The following PLEKHM2 variants were observed in gnomAD, a reference collection of about 807,000 sequenced individuals.
PLEKHM2 encodes pleckstrin homology domain-containing family M member 2.
PLEKHM2 carries 77 observed loss-of-function variants against 116.3 expected under a neutral mutation model. The ratio of observed to expected loss-of-function variants is 0.66; its 90% CI spans 0.55 to 0.80. PLEKHM2 has a LOEUF of 0.80. Among genes scored for constraint, PLEKHM2 ranks in the 30% least tolerant of loss-of-function variants. The pLI, the probability that PLEKHM2 is intolerant of heterozygous loss-of-function variation, is 0.00. For missense variants in PLEKHM2, 1,183 were observed against 1,354.9 expected, an observed-to-expected ratio of 0.87 and a Z score of 1.99; for synonymous variants, 562 against 571.0, an observed-to-expected ratio of 0.98 and a Z score of 0.22.
At position 15,726,861 on chromosome 1, in the gene PLEKHM2, C is replaced by T. The variant is rs1022574097; in HGVS notation, c.942-153C>T. 2.6e-5 allele frequency among the ~76,000 whole-genome samples: 4 copies of T among 152,028 alleles called. No homozygotes were observed. The East Asian group carries it at 7.7e-4, about 29-fold the overall frequency. On this transcript the variant is annotated intron_variant, in intron 8 of 19. Transcript: ENST00000375799. The stretch of plus-strand genomic sequence containing the variant: ...GCCTGAGCCACTGTTGTCCTCTGAC[C>T]CAGTGCCTCCACCCAGCACTGCCTA...
At chr1:15,695,501 C>T (rs1007308174) in intron 1 of PLEKHM2, among the ~76,000 whole-genome samples, 19 of 152,184 alleles carry the variant, frequency 1.2e-4, no homozygotes, top group East Asian at 9.6e-4. Flanking sequence ...CCCATGATGT[C>T]GGGGCACTTT....
rs776655442 is a variant in PLEKHM2, at chr1:15,727,392, C to T, written c.1320C>T (p.Gly440=). 1.9e-6 allele frequency: 3 copies of T among 1,603,318 alleles called. No individual in the cohort carries two copies. The African/African-American group carries it at 4.0e-5, about 21-fold the overall frequency. ...AEPPDQSFRT[G]SPGDAPERPP... Reference sequence around the variant, plus strand: ...CCCCAGACCAGTCCTTTCGGACCGGCTCTCCCGGGGATGCCCCGGAGAGGC... The same window carrying T: ...CCCCAGACCAGTCCTTTCGGACCGGTTCTCCCGGGGATGCCCCGGAGAGGC... Residue 440 remains glycine, a synonymous_variant, in exon 9 of 20, where the codon GGC becomes GGT. Transcript: ENST00000375799. This position sits in a 1 kb window ranked among gnomAD's most constrained non-coding sequence, Gnocchi z 7.5.
chr1:15,728,490 G>A lies in PLEKHM2; in HGVS notation c.1921+133G>A. On this transcript the variant is annotated intron_variant, in intron 11 of 19. Coordinates refer to ENST00000375799, the MANE Select transcript of PLEKHM2 (RefSeq NM_015164.4). This position sits in a 1 kb window ranked among gnomAD's most constrained non-coding sequence, Gnocchi z 5.9. Reference sequence around the variant, plus strand: ...GTGATGGAAAGGCACCCCAAGGAAGGTGTTGCCAGCAGCCCTGAGACGTGA... The same window carrying A: ...GTGATGGAAAGGCACCCCAAGGAAGATGTTGCCAGCAGCCCTGAGACGTGA... 1 of 994,224 alleles carries A rather than the reference G, an allele frequency of 1.0e-6. No homozygotes were observed. Among genetic ancestry groups the A allele is most frequent in the South Asian group, 1.6e-5 (1 of 63,786 alleles). 61.6% of individuals were successfully genotyped at this position (994,224 alleles called of 1,614,324 possible).
Position 15,684,505 on chromosome 1 carries a change from CGGCGG to C in PLEKHM2, c.-48_-44del. ...CCCCGGCCCCCGGCGCGGGAAGCGG[CGGCGG>C]GGCGGCGGCGGCGGTGGCGGTGGCG... On this transcript the variant is annotated 5_prime_UTR_variant, in exon 1 of 20. Coordinates refer to ENST00000375799, the MANE Select transcript of PLEKHM2 (RefSeq NM_015164.4). The C allele has an allele frequency of 1.1e-6, 1 of 946,330 alleles. No homozygotes were observed. Among genetic ancestry groups the C allele is most frequent in the Non-Finnish European group, 1.2e-6 (1 of 806,326 alleles). 58.6% of individuals were successfully genotyped at this position (946,330 alleles called of 1,614,324 possible).
Position 15,729,884 on chromosome 1 carries a change from G to A in PLEKHM2, c.2163G>A (p.Glu721=). ...YPSILTDATM[E]KLALAKFVAQ... ...GCATCCTGACGGATGCCACCATGGA[G>A]AAGCTGGCACTGGCCAAATTTGTGG... Residue 721 remains glutamate (E), a synonymous_variant, in exon 14 of 20, where the codon GAG becomes GAA. Transcript: ENST00000375799. This position sits in a 1 kb window ranked among gnomAD's most constrained non-coding sequence, Gnocchi z 4.7. The A allele has an allele frequency of 6.2e-7, 1 of 1,613,174 alleles. No individual in the cohort carries two copies. The highest frequency in any genetic ancestry group is 8.5e-7 in the Non-Finnish European group (1 of 1,179,640).
At chr1:15,712,282 C>T (rs1171051752) in intron 1 of PLEKHM2, among the ~76,000 whole-genome samples, 1 of 152,146 alleles carries the variant, frequency 6.6e-6, no homozygotes, top group African/African-American at 2.4e-5. Flanking sequence ...CAATTTAAAA[C>T]AGGTACTATT....
chr1:15,725,261 G>T (rs931408627), intron 7 of PLEKHM2, 56 bp from the exon 8 acceptor site: 3 of 1,323,812 alleles, frequency 2.3e-6, no homozygotes, highest in South Asian at 2.5e-5. Flanking sequence ...TGCTCTGGGG[G>T]TCGGGGACCC....
In PLEKHM2 at chr1:15,719,986, G is replaced by GGAA; in HGVS notation, c.652+67_652+68insAAG. Reference sequence around the variant, plus strand: ...AAACAGACTTGAACTGCTTAAGCCTGGCTGGGTGATGTCTTCCTTGGCTAG... The same window carrying GGAA: ...AAACAGACTTGAACTGCTTAAGCCTGGAAGCTGGGTGATGTCTTCCTTGGCTAG... On this transcript the variant is annotated intron_variant, in intron 6 of 19. Transcript: ENST00000375799. This position sits in a 1 kb window ranked among gnomAD's most constrained non-coding sequence, Gnocchi z 4.1. 7.5e-7 allele frequency: 1 copy of GGAA among 1,327,206 alleles called. No individual in the cohort carries two copies. The highest frequency in any genetic ancestry group is 1.0e-6 in the Non-Finnish European group (1 of 969,062). The allele number at this position is 1,327,206 out of a possible 1,614,324, so 82.2% of individuals were successfully genotyped here.
chr1:15,696,669 A>G (rs889586054), intron 1 of PLEKHM2, among the ~76,000 whole-genome samples: 9 of 152,182 alleles, frequency 5.9e-5, no homozygotes, highest in African/African-American at 1.4e-4. Context: ...TTGTTGAGTG[A>G]GTATTATGTG....
At position 15,734,297 on chromosome 1, in the gene PLEKHM2, G is replaced by A. The variant is rs2068192629; in HGVS notation, c.*363G>A. The A allele has an allele frequency of 1.4e-5, 3 of 215,620 alleles. No individual in the cohort carries two copies. The highest frequency in any genetic ancestry group is 6.9e-5 in the African/African-American group (3 of 43,190). 13.4% of individuals were successfully genotyped at this position (215,620 alleles called of 1,614,324 possible). A position where few individuals can be genotyped will look rare whatever the true frequency, so the allele number is the denominator to read the frequency against. On this transcript the variant is annotated 3_prime_UTR_variant, in exon 20 of 20. Transcript: ENST00000375799. ...TAAGGACGAACAAAAGAACCAGGAG[G>A]GCGGGACCCCCCTCTTCCTCTCCTG...
At chr1:15,697,033 T>G (rs889883593) in intron 1 of PLEKHM2, among the ~76,000 whole-genome samples, 1 of 151,894 alleles carries the variant, frequency 6.6e-6, no homozygotes, top group African/African-American at 2.4e-5. Context: ...GTTGTCTGGG[T>G]GGGGGAGGCA....
At chr1:15,682,645 A>AAAAAC (rs1557634350), upstream of PLEKHM2, among the ~76,000 whole-genome samples, 7 of 81,186 alleles carry the variant, frequency 8.6e-5, no homozygotes, top group African/African-American at 6.1e-4. Flanking sequence ...AAACAAAACA[A>AAAAAC]AAAAAACAAA....
chr1:15,728,869 G>C lies in PLEKHM2; in HGVS notation c.1986+136G>C, dbSNP rs1459907954. 10 of 865,726 alleles carry C rather than the reference G, an allele frequency of 1.2e-5. No homozygotes were observed. The highest frequency in any genetic ancestry group is 4.4e-5 in the Admixed American group (2 of 45,488). The allele number at this position is 865,726 out of a possible 1,614,324, so 53.6% of individuals were successfully genotyped here. A position where few individuals can be genotyped will look rare whatever the true frequency, so the allele number is the denominator to read the frequency against. The stretch of plus-strand genomic sequence containing the variant: ...GGGCACCAACTTAACTCTCAGAGAG[G>C]CTTCTGTACACGATGCTGGGGGTAA... On this transcript the variant is annotated intron_variant, in intron 12 of 19. Transcript: ENST00000375799. This position sits in a 1 kb window ranked among gnomAD's most constrained non-coding sequence, Gnocchi z 5.9.
In PLEKHM2 at chr1:15,727,336, G is replaced by A. The variant is rs2068077818; in HGVS notation, c.1264G>A (p.Asp422Asn). The part of the protein sequence containing the change: ...KVIDQLNGQL[D>N]PSTWCSRAEP... ...TATCGACCAGCTCAACGGGCAGCTGGACCCCAGCACCTGGTGCTCCCGTGC... is the reference window on the plus strand; with the variant it reads ...TATCGACCAGCTCAACGGGCAGCTGAACCCCAGCACCTGGTGCTCCCGTGC... Residue 422 changes from aspartate to asparagine, a missense_variant, in exon 9 of 20, where the codon GAC (aspartate) becomes AAC (asparagine). Asp to Asn is a conservative substitution (Grantham distance 23). Transcript: ENST00000375799. This position sits in a 1 kb window ranked among gnomAD's most constrained non-coding sequence, Gnocchi z 7.5. The A allele has an allele frequency of 6.3e-7, 1 of 1,597,000 alleles. No homozygotes were observed. Among genetic ancestry groups the A allele is most frequent in the South Asian group, 1.1e-5 (1 of 88,612 alleles).
At chr1:15,695,722 G>A (rs1385554246) in intron 1 of PLEKHM2, among the ~76,000 whole-genome samples, 1 of 151,984 alleles carries the variant, frequency 6.6e-6, no homozygotes, top group Non-Finnish European at 1.5e-5. Flanking sequence ...ATGTTGGCCA[G>A]GCTGGTCTCC....
intron 1 of PLEKHM2, among the ~76,000 whole-genome samples, chr1:15,691,494 G>A (rs1640887169): frequency 6.6e-6 from 1 of 152,192 alleles, no homozygotes; most frequent in Non-Finnish European, 1.5e-5. Context: ...ATTGTAATAG[G>A]GTAACCATCT....
chr1:15,713,756 C>T (rs995161123), intron 1 of PLEKHM2, among the ~76,000 whole-genome samples: 2 of 151,852 alleles, frequency 1.3e-5, no homozygotes, highest in South Asian at 4.2e-4. Flanking sequence ...CTGCCTCAGC[C>T]TCCCGAATAG....
rs1027755792 is a variant in PLEKHM2 at position 15,729,261 on chromosome 1, G to T, written c.2075+71G>T. On this transcript the variant is annotated intron_variant, in intron 13 of 19. Transcript: ENST00000375799. This position sits in a 1 kb window ranked among gnomAD's most constrained non-coding sequence, Gnocchi z 4.7. ...CCGCCCATAGGTGTGGGTGGCCTGG[G>T]GGTCAGGGGTGGAGGTGGAAAGTGG... 3 of 1,314,202 alleles carry T rather than the reference G, an allele frequency of 2.3e-6. No homozygotes were observed. Among genetic ancestry groups the T allele is most frequent in the Non-Finnish European group, 3.2e-6 (3 of 927,708 alleles). 81.4% of individuals were successfully genotyped at this position (1,314,202 alleles called of 1,614,324 possible). A position where few individuals can be genotyped will look rare whatever the true frequency, so the allele number is the denominator to read the frequency against.
chr1:15,711,198 T>C (rs1294121896), intron 1 of PLEKHM2, among the ~76,000 whole-genome samples: 5 of 145,548 alleles, frequency 3.4e-5, no homozygotes, highest in African/African-American at 1.3e-4. Flanking sequence ...CCTGTCTCTA[T>C]CAAAAATAAA....
Sources: gnomAD v4.1 joint callset for allele counts (sites outside exome capture counted in the v4.1 genomes callset) on GRCh38, gnomAD v4.1.1 for gene constraint, Gnocchi (gnomAD v3.1) non-coding constraint, MANE v1.5 for transcripts, NCBI Gene and HGNC (gene_info 2026-07-23, HGNC 2026-07-21) for gene names.